Variants in NCAM1 observed in about 807,000 individuals in gnomAD.
The protein encoded by NCAM1 is neural cell adhesion molecule 1, also known as antigen recognized by monoclonal antibody 5.1H11.
A neutral mutation model predicts 109.8 loss-of-function variants in NCAM1; 14 were observed. The observed-to-expected ratio is 0.13, with a 90% CI of 0.08 to 0.20. The LOEUF (loss-of-function observed/expected upper bound fraction) is 0.20, where lower values mean the gene tolerates loss of function less well. Ranked by LOEUF, NCAM1 falls within the 10% of genes least tolerant of loss-of-function variation. NCAM1 has a pLI of 1.00. For synonymous variants in NCAM1, 418 were observed against 442.9 expected (o/e 0.94, Z 0.70); for missense variants, 774 against 1,109.9 (o/e 0.70, Z 4.30).
chr11:113,246,579 T>G (rs1945508634), intron 15 of NCAM1, among the ~76,000 whole-genome samples: 1 of 152,246 alleles, frequency 6.6e-6, no homozygotes, highest in Non-Finnish European at 1.5e-5. Context: ...GTATTTTGCT[T>G]CAAGAAATTT....
intron 1 of NCAM1, among the ~76,000 whole-genome samples, chr11:113,000,476 T>C (rs782647399): frequency 2.0e-5 from 3 of 152,166 alleles, no homozygotes; most frequent in Non-Finnish European, 4.4e-5. Flanking sequence ...ATTATTATTA[T>C]GTCATCCTAA....
At chr11:113,136,060 G>C (rs1297740513) in intron 1 of NCAM1, among the ~76,000 whole-genome samples, 1 of 152,168 alleles carries the variant, frequency 6.6e-6, no homozygotes, top group South Asian at 2.1e-4. Context: ...ACATGTGCCT[G>C]CAGTCCCAGC....
intron 1 of NCAM1, among the ~76,000 whole-genome samples, chr11:113,153,906 G>T (rs551351158): frequency 6.6e-6 from 1 of 152,330 alleles, no homozygotes; most frequent in South Asian, 2.1e-4. Context: ...GGGGATGGAA[G>T]GATTGACCTT....
At position 113,192,962 on chromosome 11, in the gene NCAM1, C is replaced by T. The variant is rs138375955; in HGVS notation, c.53-9417C>T. Among the ~76,000 whole-genome samples, 658 of 152,294 alleles carry T rather than the reference C, an allele frequency of 4.3e-3. 4 individuals are homozygous for T. Among genetic ancestry groups the T allele is most frequent in the African/African-American group, 0.015 (638 of 41,552 alleles). On this transcript the variant is annotated intron_variant, in intron 1 of 19. Transcript: ENST00000316851. Reference sequence around the variant, plus strand: ...AGTTTCACCCCTTCTTGGCAGACCCCCCACACCCTTGGCTATCTGCTCCTC... The same window carrying T: ...AGTTTCACCCCTTCTTGGCAGACCCTCCACACCCTTGGCTATCTGCTCCTC...
chr11:113,153,192 G>A (rs1474721561), intron 1 of NCAM1, among the ~76,000 whole-genome samples: 18 of 151,914 alleles, frequency 1.2e-4, no homozygotes, highest in Admixed American at 5.9e-4. Flanking sequence ...ACAGGCACCC[G>A]CCACCACGCC....
At chr11:112,971,226 T>TTCTC (rs137914370) in intron 1 of NCAM1, among the ~76,000 whole-genome samples, 3 of 149,290 alleles carry the variant, frequency 2.0e-5, no homozygotes, top group Non-Finnish European at 4.5e-5. Context: ...GTACTTCAAT[T>TTCTC]TCTCTCTCTC....
intron 1 of NCAM1, among the ~76,000 whole-genome samples, chr11:113,074,217 TGAA>T (rs1938424730): frequency 1.3e-5 from 2 of 152,284 alleles, no homozygotes; most frequent in Non-Finnish European, 2.9e-5. Flanking sequence ...GTGGAGCAAT[TGAA>T]GAAGAAATAA....
At chr11:113,241,225 T>C (rs1555119076) in intron 14 of NCAM1, among the ~76,000 whole-genome samples, 3 of 152,226 alleles carry the variant, frequency 2.0e-5, no homozygotes, top group African/African-American at 7.2e-5. Context: ...TGGAGTGTTT[T>C]GTTTTTACCC....
intron 15 of NCAM1, among the ~76,000 whole-genome samples, chr11:113,253,210 T>C (rs1286030069): frequency 6.6e-6 from 1 of 152,180 alleles, no homozygotes; most frequent in African/African-American, 2.4e-5. Context: ...TTTTTATTCT[T>C]AGGTCTTTGA....
chr11:113,034,878 T>G (rs555519851), intron 1 of NCAM1, among the ~76,000 whole-genome samples: 26 of 152,300 alleles, frequency 1.7e-4, no homozygotes, highest in Admixed American at 1.6e-3. Context: ...TAGTTTCTAT[T>G]CTCCTTAGAC....
intron 1 of NCAM1, among the ~76,000 whole-genome samples, chr11:113,161,772 G>A (rs782292036): frequency 9.2e-5 from 14 of 152,188 alleles, no homozygotes; most frequent in Non-Finnish European, 1.3e-4. Flanking sequence ...AACCTGGAGT[G>A]TGTAGGTTTC....
chr11:113,142,250 G>C (rs759640902), intron 1 of NCAM1, among the ~76,000 whole-genome samples: 12 of 152,104 alleles, frequency 7.9e-5, no homozygotes, highest in Non-Finnish European at 1.6e-4. Flanking sequence ...GACACGGAAG[G>C]GTAAATTTGG....
chr11:113,176,730 T>A (rs937534176), intron 1 of NCAM1, among the ~76,000 whole-genome samples: 2 of 152,214 alleles, frequency 1.3e-5, no homozygotes, highest in East Asian at 3.8e-4. Context: ...TTTCTGTGTG[T>A]TTAATTTATG....
chr11:113,018,003 A>C (rs1555075558), intron 1 of NCAM1, among the ~76,000 whole-genome samples: 1 of 152,194 alleles, frequency 6.6e-6, no homozygotes, highest in South Asian at 2.1e-4. Flanking sequence ...ACCATGTGCT[A>C]CTGTTAGTTC....
At chr11:113,027,637 A>G (rs981006732) in intron 1 of NCAM1, among the ~76,000 whole-genome samples, 3 of 152,206 alleles carry the variant, frequency 2.0e-5, no homozygotes, top group Non-Finnish European at 4.4e-5. Flanking sequence ...TTTAATAATT[A>G]CTGCAGTGAA....
rs528828237 is a variant in NCAM1, at chr11:113,136,345, A to C, written c.53-66034A>C. Among the ~76,000 whole-genome samples the C allele has an allele frequency of 5.9e-5, 9 of 152,282 alleles. No homozygotes were observed. The South Asian group carries it at 1.9e-3, about 32-fold the overall frequency. ...ATTATAAATGAGTTATGGGAGGGGA[A>C]AAGGAACAGGTGTGTTGGGCTGTGG... On this transcript the variant is annotated intron_variant, in intron 1 of 19. Transcript: ENST00000316851.
chr11:113,271,814 C>T lies in NCAM1; in HGVS notation c.2394C>T (p.Thr798=), dbSNP rs564202565. 1.3e-6 allele frequency: 2 copies of T among 1,572,540 alleles called. No individual in the cohort carries two copies. The highest frequency in any genetic ancestry group is 1.2e-5 in the South Asian group (1 of 85,068). Residue 798 remains threonine, a synonymous_variant, in exon 19 of 20, where the codon ACC becomes ACT. Coordinates refer to ENST00000316851, the MANE Select transcript of NCAM1 (RefSeq NM_181351.5). ...IVEVRTEEER[T]PNHDGGKHTE... Reference sequence around the variant, plus strand: ...AGGTTCGAACGGAGGAGGAGAGGACCCCAAACCATGATGGAGGGAAACACA... The same window carrying T: ...AGGTTCGAACGGAGGAGGAGAGGACTCCAAACCATGATGGAGGGAAACACA...
rs190682023 is a variant in NCAM1 at position 113,050,796 on chromosome 11, T to C, written c.52+89132T>C. 4.3e-3 allele frequency among the ~76,000 whole-genome samples: 653 copies of C among 152,290 alleles called. 5 individuals are homozygous for C. Among genetic ancestry groups the C allele is most frequent in the African/African-American group, 0.015 (625 of 41,556 alleles). On this transcript the variant is annotated intron_variant, in intron 1 of 19. Coordinates refer to ENST00000316851, the MANE Select transcript of NCAM1 (RefSeq NM_181351.5). ...TTTCATATTCTTTAACTCCAATCAA[T>C]GGTAATAAATATATTTTATATCATT...
At chr11:113,007,112 A>G (rs1951911058) in intron 1 of NCAM1, among the ~76,000 whole-genome samples, 1 of 152,226 alleles carries the variant, frequency 6.6e-6, no homozygotes, top group African/African-American at 2.4e-5. Flanking sequence ...GCAACTTTCC[A>G]AATAATTACA....
Sources: gnomAD v4.1 joint callset for allele counts (sites outside exome capture counted in the v4.1 genomes callset) on GRCh38, gnomAD v4.1.1 for gene constraint, MANE v1.5 for transcripts, NCBI Gene and HGNC (gene_info 2026-07-23, HGNC 2026-07-21) for gene names.